Variants in PTPRM observed in about 807,000 individuals in gnomAD.
The protein encoded by PTPRM is receptor-type tyrosine-protein phosphatase mu.
Under a neutral mutation model 186.7 loss-of-function variants are expected in PTPRM, and 47 were observed. That is an observed-to-expected ratio of 0.25 (90% CI 0.20 to 0.32). The LOEUF (loss-of-function observed/expected upper bound fraction) is 0.32. Among genes scored for constraint, PTPRM ranks in the 10% least tolerant of loss-of-function variants. The pLI, the probability that PTPRM is intolerant of heterozygous loss-of-function variation, is 1.00. For missense variants in PTPRM, 1,494 were observed against 1,865.0 expected (o/e 0.80, Z 3.66); for synonymous variants, 668 against 674.9 (o/e 0.99, Z 0.16).
chr18:8,250,053 G>A (rs913640545), intron 17 of PTPRM, among the ~76,000 whole-genome samples: 2 of 152,210 alleles, frequency 1.3e-5, no homozygotes, highest in African/African-American at 4.8e-5. Context: ...TTGGGGGATA[G>A]TAGCAGTTAT....
intron 19 of PTPRM, among the ~76,000 whole-genome samples, chr18:8,287,294 G>C (rs1009982074): frequency 6.6e-6 from 1 of 152,204 alleles, no homozygotes; most frequent in African/African-American, 2.4e-5. Context: ...ATTAGAATGA[G>C]AATAGTAACA....
chr18:7,923,344 T>C (rs991084535), intron 4 of PTPRM, among the ~76,000 whole-genome samples: 2 of 152,122 alleles, frequency 1.3e-5, no homozygotes, highest in Admixed American at 6.5e-5. Flanking sequence ...GTGTGCCAGA[T>C]AACTTCAGCC....
chr18:7,631,639 T>C (rs1297116250), intron 1 of PTPRM, among the ~76,000 whole-genome samples: 1 of 152,134 alleles, frequency 6.6e-6, no homozygotes, highest in Non-Finnish European at 1.5e-5. Context: ...ACATTATGAT[T>C]TTTTTTGCAA....
intron 1 of PTPRM, among the ~76,000 whole-genome samples, chr18:7,772,428 C>T (rs1248009226): frequency 1.1e-4 from 14 of 127,198 alleles, no homozygotes; most frequent in African/African-American, 6.5e-5. Flanking sequence ...TTCTTTCTCC[C>T]TTCCCCTTCC....
chr18:8,041,689 A>C (rs1322058148), intron 7 of PTPRM, among the ~76,000 whole-genome samples: 4 of 152,216 alleles, frequency 2.6e-5, no homozygotes, highest in Admixed American at 6.6e-5. Flanking sequence ...AACAATCGTC[A>C]GACTTAGTTA....
chr18:7,869,529 CTG>C (rs1158128363), intron 2 of PTPRM, among the ~76,000 whole-genome samples: 1 of 152,204 alleles, frequency 6.6e-6, no homozygotes, highest in Non-Finnish European at 1.5e-5. Context: ...GCTGCACCCA[CTG>C]TCTAACCAGT....
chr18:7,696,469 G>A (rs1465753417), intron 1 of PTPRM, among the ~76,000 whole-genome samples: 2 of 152,048 alleles, frequency 1.3e-5, no homozygotes, highest in African/African-American at 4.8e-5. Flanking sequence ...TCACTTTTCT[G>A]GCATATTTTG....
At chr18:7,885,620 G>A (rs1191636300) in intron 2 of PTPRM, among the ~76,000 whole-genome samples, 1 of 152,138 alleles carries the variant, frequency 6.6e-6, no homozygotes, top group Non-Finnish European at 1.5e-5. Flanking sequence ...CACTACAGAA[G>A]CATGCCTCAA....
chr18:8,298,407 C>T (rs367952873), intron 20 of PTPRM, among the ~76,000 whole-genome samples: 1 of 152,194 alleles, frequency 6.6e-6, no homozygotes, highest in Non-Finnish European at 1.5e-5. Flanking sequence ...GATGTGGCCT[C>T]GTGCTGAGCA....
chr18:8,085,958 C>A, intron 10 of PTPRM, 86 bp downstream of exon 10: 1 of 1,284,086 alleles, frequency 7.8e-7, no homozygotes, highest in Non-Finnish European at 1.1e-6. Flanking sequence ...GCCAAGCTCG[C>A]CCACACTAAC....
At chr18:7,828,515 C>T (rs549541683) in intron 2 of PTPRM, among the ~76,000 whole-genome samples, 143 of 152,148 alleles carry the variant, frequency 9.4e-4, no homozygotes, top group Non-Finnish European at 1.6e-3. Context: ...AAGAGGGCCA[C>T]GTCTCATGCT....
Position 7,567,817 on chromosome 18 carries a change from C to A in PTPRM, c.-2C>A. 1 of 1,552,198 alleles carries A rather than the reference C, an allele frequency of 6.4e-7. No individual in the cohort carries two copies. The highest frequency in any genetic ancestry group is 8.7e-7 in the Non-Finnish European group (1 of 1,153,714). On this transcript the variant is annotated 5_prime_UTR_variant, in exon 1 of 33. Transcript: ENST00000580170. This position sits in a 1 kb window ranked among gnomAD's most constrained non-coding sequence, Gnocchi z 4.3. The stretch of plus-strand genomic sequence containing the variant: ...GGAGCGGCCCGGCCCGCACTCAGCA[C>A]CATGAGGGGACTTGGGACTTGCCTG...
chr18:8,282,439 G>T (rs1431204017), intron 19 of PTPRM, among the ~76,000 whole-genome samples: 1 of 152,174 alleles, frequency 6.6e-6, no homozygotes, highest in Non-Finnish European at 1.5e-5. Context: ...GAGGTGGGTG[G>T]ATCACCTGAG....
intron 1 of PTPRM, among the ~76,000 whole-genome samples, chr18:7,722,011 G>T (rs2040455121): frequency 2.0e-5 from 3 of 152,178 alleles, no homozygotes; most frequent in Non-Finnish European, 1.5e-5. Context: ...GTTAATGAAG[G>T]TTCATAGTTT....
At chr18:8,040,569 A>G (rs1225473241) in intron 7 of PTPRM, among the ~76,000 whole-genome samples, 1 of 152,238 alleles carries the variant, frequency 6.6e-6, no homozygotes, top group African/African-American at 2.4e-5. Context: ...AAGAAGGTTC[A>G]GTAAAAAACT....
At chr18:8,199,422 A>G (rs1005286127) in intron 14 of PTPRM, among the ~76,000 whole-genome samples, 9 of 152,258 alleles carry the variant, frequency 5.9e-5, no homozygotes, top group South Asian at 2.1e-4. Context: ...ACCCTGAATA[A>G]CATTGCAAAA....
intron 1 of PTPRM, among the ~76,000 whole-genome samples, chr18:7,721,571 A>T (rs1432922152): frequency 6.6e-6 from 1 of 152,130 alleles, no homozygotes; most frequent in African/African-American, 2.4e-5. Flanking sequence ...TGAGTGATAC[A>T]GTTTCACCTC....
At chr18:8,066,145 A>G (rs1273233159) in intron 7 of PTPRM, among the ~76,000 whole-genome samples, 1 of 152,234 alleles carries the variant, frequency 6.6e-6, no homozygotes, top group Non-Finnish European at 1.5e-5. Context: ...TGGCAGAAAA[A>G]AAAGTAAAAA....
intron 1 of PTPRM, among the ~76,000 whole-genome samples, chr18:7,753,672 A>T (rs1377924768): frequency 6.6e-6 from 1 of 152,202 alleles, no homozygotes; most frequent in Non-Finnish European, 1.5e-5. Context: ...GAGTGAGTTT[A>T]TCTGTAACTG....
Sources: allele counts gnomAD v4.1 joint callset (sites outside exome capture counted in the v4.1 genomes callset), GRCh38; gene constraint gnomAD v4.1.1; non-coding constraint Gnocchi (gnomAD v3.1); transcripts MANE v1.5; gene names NCBI Gene and HGNC (gene_info 2026-07-23, HGNC 2026-07-21).